UTRN: variants seen among roughly 807,000 people sequenced by gnomAD.
UTRN encodes utrophin.
A neutral mutation model predicts 463.9 loss-of-function variants in UTRN; 283 were observed. The ratio of observed to expected loss-of-function variants is 0.61; its 90% CI spans 0.55 to 0.67. The LOEUF (loss-of-function observed/expected upper bound fraction) is 0.67. Ranked by LOEUF, UTRN falls within the 30% of genes least tolerant of loss-of-function variation. UTRN has a pLI of 0.00. For missense variants in UTRN, 3,922 were observed against 4,084.3 expected (o/e 0.96, Z 1.08); for synonymous variants, 1,442 against 1,431.5 (o/e 1.01, Z -0.17).
intron 52 of UTRN, among the ~76,000 whole-genome samples, chr6:144,683,715 TA>T (rs996347349): frequency 6.6e-6 from 1 of 152,192 alleles, no homozygotes; most frequent in Non-Finnish European, 1.5e-5. Flanking sequence ...CAATAGAGGT[TA>T]ATTTCCTCAT....
chr6:144,696,625 T>A (rs1026238350), intron 52 of UTRN, among the ~76,000 whole-genome samples: 1 of 152,124 alleles, frequency 6.6e-6, no homozygotes, highest in Non-Finnish European at 1.5e-5. Context: ...TTTCTTTCAT[T>A]ATAACCCAAT....
chr6:144,819,259 G>A (rs1407556425), intron 65 of UTRN, among the ~76,000 whole-genome samples: 1 of 152,172 alleles, frequency 6.6e-6, no homozygotes, highest in Non-Finnish European at 1.5e-5. Flanking sequence ...TGCAAGCCAA[G>A]AGAATCAAAA....
chr6:144,515,751 C>T (rs191600453), intron 37 of UTRN, among the ~76,000 whole-genome samples: 1 of 152,198 alleles, frequency 6.6e-6, no homozygotes, highest in East Asian at 1.9e-4. Context: ...TAGATGTTAT[C>T]TGAAAAGATG....
intron 72 of UTRN, 84 bp from the exon 73 acceptor site, chr6:144,840,656 G>C (rs1484431878): frequency 6.9e-7 from 1 of 1,458,174 alleles, no homozygotes; most frequent in Non-Finnish European, 9.5e-7. Flanking sequence ...GCTGGTTGGA[G>C]TATTTCCTCC....
intron 2 of UTRN, among the ~76,000 whole-genome samples, chr6:144,354,692 C>G (rs529733512): frequency 1.3e-5 from 2 of 152,210 alleles, no homozygotes; most frequent in South Asian, 4.1e-4. Flanking sequence ...CTCCTATGGT[C>G]GGTCAAGGAC....
chr6:144,498,655 A>G (rs1451332637), intron 33 of UTRN, among the ~76,000 whole-genome samples: 2 of 150,086 alleles, frequency 1.3e-5, no homozygotes. Flanking sequence ...AATACACATA[A>G]CAATCTTTTT....
chr6:144,552,536 G>GT (rs1350613757), intron 48 of UTRN, among the ~76,000 whole-genome samples: 2 of 151,932 alleles, frequency 1.3e-5, no homozygotes, highest in East Asian at 3.9e-4. Context: ...TCAGGTGTTT[G>GT]TTTTTTTGTT....
At chr6:144,655,927 C>G (rs986282456) in intron 51 of UTRN, among the ~76,000 whole-genome samples, 1 of 152,106 alleles carries the variant, frequency 6.6e-6, no homozygotes, top group Non-Finnish European at 1.5e-5. Flanking sequence ...CAAAGCCATA[C>G]CTATAGCTCT....
At chr6:144,447,992 A>G (rs1378251882) in intron 16 of UTRN, among the ~76,000 whole-genome samples, 1 of 152,206 alleles carries the variant, frequency 6.6e-6, no homozygotes, top group Non-Finnish European at 1.5e-5. Flanking sequence ...GTAACTGATT[A>G]TACTTAGCCA....
In UTRN at chr6:144,687,205, A is replaced by G. The variant is rs147440816; in HGVS notation, c.7652+8627A>G. ...TATTTTGTTGAGGATTTTTGCATCTATGTTCATCAGGGATATTGGTCTGTA... is the reference window on the plus strand; with the variant it reads ...TATTTTGTTGAGGATTTTTGCATCTGTGTTCATCAGGGATATTGGTCTGTA... On this transcript the variant is annotated intron_variant, in intron 52 of 74. Coordinates refer to ENST00000367545, the MANE Select transcript of UTRN (RefSeq NM_007124.3). Among the ~76,000 whole-genome samples the G allele has an allele frequency of 1.7e-3, 257 of 152,178 alleles. 1 individual carries two copies. The highest frequency in any genetic ancestry group is 5.8e-3 in the African/African-American group (241 of 41,522).
At chr6:144,760,213 G>A (rs1475846523) in intron 58 of UTRN, among the ~76,000 whole-genome samples, 2 of 152,056 alleles carry the variant, frequency 1.3e-5, no homozygotes, top group Non-Finnish European at 2.9e-5. Context: ...TGGTAGGATT[G>A]TATTCTTGTT....
chr6:144,348,091 C>T (rs1379392689), intron 2 of UTRN, among the ~76,000 whole-genome samples: 2 of 152,100 alleles, frequency 1.3e-5, no homozygotes, highest in African/African-American at 2.4e-5. Context: ...GAGTGATCCT[C>T]CCTCTTGGCC....
At chr6:144,543,525 A>G (rs766064004) in intron 46 of UTRN, among the ~76,000 whole-genome samples, 9 of 152,104 alleles carry the variant, frequency 5.9e-5, no homozygotes, top group Non-Finnish European at 8.8e-5. Flanking sequence ...AAAACCGCAA[A>G]TGTGACCAAC....
intron 57 of UTRN, among the ~76,000 whole-genome samples, chr6:144,755,404 TACTTTATC>T (rs1791879780): frequency 6.6e-6 from 1 of 152,342 alleles, no homozygotes; most frequent in African/African-American, 2.4e-5. Context: ...TTTGAGCTTC[TACTTTATC>T]ATTCACTAGT....
chr6:144,422,088 G>A (rs1001551930), intron 4 of UTRN, 118 bp downstream of exon 4: 1 of 761,108 alleles, frequency 1.3e-6, no homozygotes, highest in Non-Finnish European at 2.0e-6. Flanking sequence ...AAATGTAAAG[G>A]CTGAAATTCG....
rs1164580253 is a variant in UTRN at position 144,511,194 on chromosome 6, T to C, written c.4944+71T>C. Reference sequence around the variant, plus strand: ...TAGTTATTTTTTAAATGAATACAACTTTGATTAAATTTCAAATCCTGTTTA... The same window carrying C: ...TAGTTATTTTTTAAATGAATACAACCTTGATTAAATTTCAAATCCTGTTTA... On this transcript the variant is annotated intron_variant, in intron 35 of 74. Coordinates refer to ENST00000367545, the MANE Select transcript of UTRN (RefSeq NM_007124.3). 4 of 1,337,814 alleles carry C rather than the reference T, an allele frequency of 3.0e-6. No individual in the cohort carries two copies. In the African/African-American group the frequency reaches 6.0e-5, roughly 20 times the overall value. 82.9% of individuals were successfully genotyped at this position (1,337,814 alleles called of 1,614,324 possible). A position where few individuals can be genotyped will look rare whatever the true frequency, so the allele number is the denominator to read the frequency against.
intron 34 of UTRN, among the ~76,000 whole-genome samples, chr6:144,500,078 G>T (rs995595540): frequency 1.3e-5 from 2 of 152,180 alleles, no homozygotes; most frequent in Non-Finnish European, 2.9e-5. Flanking sequence ...GAACATATGA[G>T]TGCATGTGTC....
intron 16 of UTRN, 30 bp downstream of exon 16, chr6:144,447,811 C>A: frequency 6.4e-7 from 1 of 1,554,460 alleles, no homozygotes; most frequent in Non-Finnish European, 8.7e-7. Context: ...ATATGTTGTG[C>A]CATGAAGTAA....
intron 51 of UTRN, chr6:144,660,134 A>G (rs1018342388): frequency 4.3e-5 from 20 of 460,370 alleles, no homozygotes; most frequent in Middle Eastern, 3.3e-4. Flanking sequence ...ATTTTAAAGT[A>G]TAGCCAGAAA....
Sources: gnomAD v4.1 joint callset for allele counts (sites outside exome capture counted in the v4.1 genomes callset) on GRCh38, gnomAD v4.1.1 for gene constraint, MANE v1.5 for transcripts, NCBI Gene and HGNC (gene_info 2026-07-23, HGNC 2026-07-21) for gene names.